SGCG: variants seen among roughly 807,000 people sequenced by gnomAD.
SGCG encodes sarcoglycan gamma, also known as gamma-sarcoglycan.
SGCG carries 26 observed loss-of-function variants against 29.3 expected under a neutral mutation model. That is an observed-to-expected ratio of 0.89 (90% CI 0.65 to 1.23). The LOEUF (loss-of-function observed/expected upper bound fraction) is 1.23, where lower values mean the gene tolerates loss of function less well. Among genes scored for constraint, SGCG ranks in the 50% most tolerant of loss-of-function variants. The pLI is 0.00. For missense variants in SGCG, 353 were observed against 356.0 expected (o/e 0.99, Z 0.07); for synonymous variants, 145 against 129.7 (o/e 1.12, Z -0.80).
chr13:23,284,167 G>A (rs1308124647), intron 5 of SGCG, among the ~76,000 whole-genome samples: 1 of 152,130 alleles, frequency 6.6e-6, no homozygotes, highest in Admixed American at 6.5e-5. Context: ...GCTAGTTTGG[G>A]GAAGTTCTCC....
chr13:23,267,876 G>A (rs543441090), intron 4 of SGCG: 28 of 152,372 alleles, frequency 1.8e-4, no homozygotes, highest in African/African-American at 6.7e-4. Flanking sequence ...ATCTGAGTAT[G>A]AAGGACCTTC....
In SGCG at chr13:23,293,689, G is replaced by A. The variant is rs548783241; in HGVS notation, c.506-1726G>A. ...CTACTAAAAATACAAAATATTAGCC[G>A]GGTGTGGTGGTGGGCACCTGTAGTC... On this transcript the variant is annotated intron_variant, in intron 5 of 7. Transcript: ENST00000218867. Among the ~76,000 whole-genome samples the A allele has an allele frequency of 2.7e-3, 404 of 152,146 alleles. 2 individuals are homozygous for A. Among genetic ancestry groups the A allele is most frequent in the African/African-American group, 9.1e-3 (379 of 41,510 alleles).
chr13:23,191,530 A>C (rs1021070741), intron 1 of SGCG, among the ~76,000 whole-genome samples: 5 of 152,072 alleles, frequency 3.3e-5, no homozygotes, highest in Admixed American at 1.3e-4. Flanking sequence ...GATGCATCCT[A>C]GACCTGTGCT....
intron 1 of SGCG, among the ~76,000 whole-genome samples, chr13:23,184,148 A>T (rs1876869731): frequency 1.3e-5 from 2 of 152,236 alleles, no homozygotes; most frequent in Non-Finnish European, 2.9e-5. Context: ...GGCCATCTGA[A>T]ACTTTTTAAA....
At chr13:23,175,273 C>A in the SGCG span, among the ~76,000 whole-genome samples, 2 of 152,040 alleles carry the variant, frequency 1.3e-5, no homozygotes, top group African/African-American at 4.8e-5. Flanking sequence ...TAAGTAGTGA[C>A]CTCAGACACA....
At chr13:23,296,297 T>C (rs1881905974) in intron 6 of SGCG, among the ~76,000 whole-genome samples, 1 of 152,260 alleles carries the variant, frequency 6.6e-6, no homozygotes, top group Admixed American at 6.5e-5. Context: ...CAGTTTACTT[T>C]AAATTTTTAA....
At chr13:23,248,577 C>T (rs1280679508) in intron 3 of SGCG, among the ~76,000 whole-genome samples, 2 of 151,950 alleles carry the variant, frequency 1.3e-5, no homozygotes, top group Non-Finnish European at 2.9e-5. Context: ...GCCTGTAGTC[C>T]CAGCTCTTCC....
chr13:23,313,721 A>G lies in SGCG; in HGVS notation c.579-6916A>G, dbSNP rs75136677. 7.3e-3 allele frequency among the ~76,000 whole-genome samples: 1,117 copies of G among 152,288 alleles called. 5 individuals are homozygous for G. Among genetic ancestry groups the G allele is most frequent in the South Asian group, 0.017 (83 of 4,826 alleles). On this transcript the variant is annotated intron_variant, in intron 6 of 7. Transcript: ENST00000218867. ...TCACCTTAATTGTATTTTTTATAAC[A>G]CCAATTATGATGGTTAGTACTGAGT...
At chr13:23,298,616 A>C (rs1243482433) in intron 6 of SGCG, among the ~76,000 whole-genome samples, 2 of 152,200 alleles carry the variant, frequency 1.3e-5, no homozygotes, top group East Asian at 3.8e-4. Context: ...ATAGAGAAGA[A>C]AAACATTTTA....
chr13:23,198,101 A>G (rs1002695369), intron 1 of SGCG, among the ~76,000 whole-genome samples: 1 of 152,240 alleles, frequency 6.6e-6, no homozygotes, highest in Non-Finnish European at 1.5e-5. Context: ...TCGAACTATT[A>G]TAACTCATTC....
At chr13:23,278,573 C>A (rs755708996) in intron 4 of SGCG, among the ~76,000 whole-genome samples, 2 of 152,056 alleles carry the variant, frequency 1.3e-5, no homozygotes, top group Non-Finnish European at 2.9e-5. Flanking sequence ...AGTGTGGAAG[C>A]ATCAAAGAGG....
intron 6 of SGCG, among the ~76,000 whole-genome samples, chr13:23,297,845 A>T (rs1881968311): frequency 6.6e-6 from 1 of 151,646 alleles, no homozygotes; most frequent in African/African-American, 2.4e-5. Context: ...CCCGGATTCA[A>T]GCGATTCTCC....
chr13:23,166,639 G>A, the SGCG span, among the ~76,000 whole-genome samples: 2 of 152,204 alleles, frequency 1.3e-5, no homozygotes, highest in Non-Finnish European at 2.9e-5. Context: ...CTTGTGGTTA[G>A]GATGGAGTGG....
intron 7 of SGCG, among the ~76,000 whole-genome samples, chr13:23,321,718 G>A (rs753572003): frequency 3.3e-5 from 5 of 151,974 alleles, no homozygotes; most frequent in Non-Finnish European, 5.9e-5. Flanking sequence ...AATTATTTCT[G>A]GAATTTTCCA....
intron 4 of SGCG, among the ~76,000 whole-genome samples, chr13:23,252,849 G>A (rs74038016): frequency 0.022 from 3,419 of 152,146 alleles, 138 homozygotes; most frequent in African/African-American, 0.078. Flanking sequence ...AAAAACTGAA[G>A]GACTAAAAAG....
chr13:23,241,669 A>C (rs1028842814), intron 3 of SGCG, among the ~76,000 whole-genome samples: 3 of 152,192 alleles, frequency 2.0e-5, no homozygotes, highest in African/African-American at 7.2e-5. Flanking sequence ...CAAAACAAAA[A>C]AGAAAACTAC....
Position 23,250,695 on chromosome 13 carries a change from G to T in SGCG, c.363G>T (p.Glu121Asp). 6.2e-7 allele frequency: 1 copy of T among 1,611,502 alleles called. No individual in the cohort carries two copies. The highest frequency in any genetic ancestry group is 8.5e-7 in the Non-Finnish European group (1 of 1,177,738). Residue 121 changes from glutamate (E) to aspartate (D), a missense_variant, in exon 4 of 8, where the codon GAG (glutamate) becomes GAT (aspartate). Glu to Asp is a conservative substitution (Grantham distance 45). Transcript: ENST00000218867. ...VTVNARNSEG[E>D]VTGRLKVGPK... ...TAAATGCGCGCAACTCAGAAGGGGA[G>T]GTCACAGGCAGGTTAAAAGTCGGTG...
At chr13:23,281,468 T>C (rs1881304462) in intron 5 of SGCG, among the ~76,000 whole-genome samples, 1 of 152,072 alleles carries the variant, frequency 6.6e-6, no homozygotes, top group African/African-American at 2.4e-5. Flanking sequence ...GAGTCCCCAG[T>C]TGCTGCTGAT....
chr13:23,238,843 C>G (rs1313343643), intron 3 of SGCG, among the ~76,000 whole-genome samples: 1 of 152,022 alleles, frequency 6.6e-6, no homozygotes, highest in South Asian at 2.1e-4. Flanking sequence ...AGATTAATAA[C>G]AATTTAAAGT....
Sources: gnomAD v4.1 joint callset for allele counts (sites outside exome capture counted in the v4.1 genomes callset) on GRCh38, gnomAD v4.1.1 for gene constraint, MANE v1.5 for transcripts, NCBI Gene and HGNC (gene_info 2026-07-23, HGNC 2026-07-21) for gene names.